Variants in IGSF9B observed in about 807,000 individuals in gnomAD.
IGSF9B encodes the protein immunoglobulin superfamily member 9B, also known as protein turtle homolog B.
A neutral mutation model predicts 143.7 loss-of-function variants in IGSF9B; 48 were observed. That is an observed-to-expected ratio of 0.33 (90% confidence interval 0.26 to 0.42). IGSF9B has a LOEUF of 0.42. Among genes scored for constraint, IGSF9B ranks in the 20% least tolerant of loss-of-function variants. IGSF9B has a pLI of 1.00. For synonymous variants in IGSF9B, 903 were observed against 833.1 expected (o/e 1.08, Z -1.44); for missense variants, 1,706 against 1,980.0 (o/e 0.86, Z 2.63).
rs1940208556 is a variant in IGSF9B, at chr11:133,953,983, T to C, written c.64+2708A>G. ...CCTCTGTCCCGCACCCGAGGGCTGATGGAGTCGGGTCCCAACACAACATCA... is the reference window on the plus strand; with the variant it reads ...CCTCTGTCCCGCACCCGAGGGCTGACGGAGTCGGGTCCCAACACAACATCA... On this transcript the variant is annotated intron_variant, in intron 1 of 19. Transcript: ENST00000533871. This position sits in a 1 kb window ranked among gnomAD's most constrained non-coding sequence, Gnocchi z 4.2. Among the ~76,000 whole-genome samples, 2 of 152,162 alleles carry C rather than the reference T, an allele frequency of 1.3e-5. 1 individual carries two copies. The highest frequency in any genetic ancestry group is 4.1e-4 in the South Asian group (2 of 4,830).
rs1940033025 is a variant in IGSF9B, at chr11:133,945,635, A to G, written c.262+426T>C. On this transcript the variant is annotated intron_variant, in intron 2 of 19. Transcript: ENST00000533871. The surrounding 1 kb of genome is among the most constrained non-coding windows in gnomAD (Gnocchi z 4.6). Reference sequence around the variant, plus strand: ...GGAGGCAGACACCAGGCACCTGCAAACGGTGGGAGGCCAAAGATTCATCCA... The same window carrying G: ...GGAGGCAGACACCAGGCACCTGCAAGCGGTGGGAGGCCAAAGATTCATCCA... 6.6e-6 allele frequency among the ~76,000 whole-genome samples: 1 copy of G among 152,170 alleles called. No individual in the cohort carries two copies.
At chr11:133,917,469 G>C (rs1004730105) in intron 18 of IGSF9B, among the ~76,000 whole-genome samples, 1 of 151,786 alleles carries the variant, frequency 6.6e-6, no homozygotes, top group Admixed American at 6.6e-5. Context: ...CCCTCCCCTC[G>C]GGGAGGTCCT....
intron 3 of IGSF9B, among the ~76,000 whole-genome samples, chr11:133,940,256 C>T (rs1283533774): frequency 8.8e-5 from 12 of 135,824 alleles, no homozygotes; most frequent in African/African-American, 3.2e-4. Context: ...CTCGCACGTC[C>T]TCGCACGCGT....
chr11:133,921,681 G>A (rs1015659746), intron 17 of IGSF9B, among the ~76,000 whole-genome samples: 2 of 151,964 alleles, frequency 1.3e-5, no homozygotes, highest in Non-Finnish European at 2.9e-5. Flanking sequence ...AGGATTACAG[G>A]TGTGAGCCGC....
At chr11:133,942,523 T>C (rs1939970594) in intron 3 of IGSF9B, among the ~76,000 whole-genome samples, 1 of 152,190 alleles carries the variant, frequency 6.6e-6, no homozygotes, top group African/African-American at 2.4e-5. Context: ...CATACGCACG[T>C]CCACTGAATG....
Position 133,921,410 on chromosome 11 carries a change from G to T in IGSF9B, c.2328-13C>A. 2 of 1,481,970 alleles carry T rather than the reference G, an allele frequency of 1.3e-6. No individual in the cohort carries two copies. Among genetic ancestry groups the T allele is most frequent in the Non-Finnish European group, 1.8e-6 (2 of 1,118,792 alleles). 91.8% of individuals were successfully genotyped at this position (1,481,970 alleles called of 1,614,324 possible). ...GCCAGAGGACAAGCTGCAAGGAGGA[G>T]CAAGAGCCGGGAGGGGATGAGGTGG... On this transcript the variant is annotated splice_polypyrimidine_tract_variant and intron_variant, in intron 17 of 19. Coordinates refer to ENST00000533871, the MANE Select transcript of IGSF9B (RefSeq NM_001277285.4).
intron 1 of IGSF9B, 76 bp downstream of exon 1, chr11:133,956,615 G>C: frequency 9.8e-7 from 1 of 1,023,852 alleles, no homozygotes; most frequent in Non-Finnish European, 1.4e-6. Flanking sequence ...CCAAGGAGCC[G>C]GGAAACCGAG....
chr11:133,913,490 C>G lies in IGSF9B; in HGVS notation c.3984-1483G>C, dbSNP rs1194780785. ...CTGGCAATGCAGTGACCTCCATCTT[C>G]CTGGGGGATGTCATCATTCTCTAGT... On this transcript the variant is annotated intron_variant, in intron 18 of 19. Transcript: ENST00000533871. This position sits in a 1 kb window ranked among gnomAD's most constrained non-coding sequence, Gnocchi z 4.6. Among the ~76,000 whole-genome samples the G allele has an allele frequency of 6.6e-6, 1 of 152,196 alleles. No individual in the cohort carries two copies. The highest frequency in any genetic ancestry group is 1.5e-5 in the Non-Finnish European group (1 of 68,036).
At chr11:133,925,634 TG>T in intron 14 of IGSF9B, 104 bp downstream of exon 14, 1 of 812,664 alleles carries the variant, frequency 1.2e-6, no homozygotes, top group Non-Finnish European at 2.0e-6. Context: ...AGGATGTGGC[TG>T]GCCTCACACA....
At chr11:133,946,733 A>C (rs973379037) in intron 1 of IGSF9B, among the ~76,000 whole-genome samples, 1 of 152,190 alleles carries the variant, frequency 6.6e-6, no homozygotes, top group Admixed American at 6.5e-5. Flanking sequence ...CTGCCACTAC[A>C]GCCTGGTGGG....
chr11:133,951,917 G>A (rs1940165669), intron 1 of IGSF9B: 1 of 305,656 alleles, frequency 3.3e-6, no homozygotes, highest in Non-Finnish European at 6.9e-6. Flanking sequence ...GCCAGAAAAT[G>A]AAGACAGTGA....
chr11:133,912,271 C>G lies in IGSF9B; in HGVS notation c.3984-264G>C, dbSNP rs749419730. On this transcript the variant is annotated intron_variant, in intron 18 of 19. Transcript: ENST00000533871. ...ATCAGAAGACCCTAGCAAAGGCAGA[C>G]AGAGAGATTTTAATAGTAAGCACCT... 85 of 626,374 alleles carry G rather than the reference C, an allele frequency of 1.4e-4. 2 individuals are homozygous for G. The highest frequency in any genetic ancestry group is 2.0e-4 in the Non-Finnish European group (69 of 338,142). The allele number at this position is 626,374 out of a possible 1,614,324, so 38.8% of individuals were successfully genotyped here. A position where few individuals can be genotyped will look rare whatever the true frequency, so the allele number is the denominator to read the frequency against.
rs1196857617 is a variant in IGSF9B at position 133,922,590 on chromosome 11, G to A, written c.2260C>T (p.Arg754Cys). Residue 754 changes from arginine to cysteine, a missense_variant, in exon 16 of 20, where the codon CGT (arginine) becomes TGT (cysteine). Physicochemically the swap from Arg to Cys is radical, Grantham distance 180 (BLOSUM62 -3). This residue lies in a region of IGSF9B where 135 missense variants were observed against 181.3 expected (regional missense o/e 0.74). Transcript: ENST00000533871. ...CCACCTTTTTTGCGCTTGAGCTTAC[G>A]CTTGCGCTGCTTGTTGACAAAGCAG... ...AACFVNKQRKRKLKRKKDPPL... is the reference protein window; with the variant it reads ...AACFVNKQRKCKLKRKKDPPL... The A allele has an allele frequency of 6.8e-6, 11 of 1,611,520 alleles. No individual in the cohort carries two copies. Among genetic ancestry groups the A allele is most frequent in the East Asian group, 2.2e-5 (1 of 44,834 alleles).
chr11:133,910,049 G>A (rs977275912), intron 19 of IGSF9B, among the ~76,000 whole-genome samples: 1 of 152,206 alleles, frequency 6.6e-6, no homozygotes, highest in Non-Finnish European at 1.5e-5. Context: ...TAAATGTGGT[G>A]TGTCCCCGAT....
chr11:133,902,285 ACACAT>A lies in IGSF9B; in HGVS notation c.*6779_*6783del, dbSNP rs1329735066. ...ACTGCATCACACACACACACACCAG[ACACAT>A]CACACATACACGCACACCACAGATA... On this transcript the variant is annotated 3_prime_UTR_variant, in exon 20 of 20. Transcript: ENST00000533871. Among the ~76,000 whole-genome samples the A allele has an allele frequency of 6.8e-6, 1 of 146,882 alleles. No individual in the cohort carries two copies. Among genetic ancestry groups the A allele is most frequent in the Admixed American group, 6.8e-5 (1 of 14,750 alleles).
intron 13 of IGSF9B, 53 bp from the exon 14 acceptor site, chr11:133,926,018 C>A (rs1299308341): frequency 7.8e-6 from 10 of 1,274,000 alleles, no homozygotes; most frequent in African/African-American, 1.5e-5. Flanking sequence ...CCCAGGGCAG[C>A]CACCGCACCC....
chr11:133,931,824 A>T lies in IGSF9B; in HGVS notation c.1111-29T>A. ...CCAGACACAGACGATAGGGCAGGGA[A>T]CGCTGGTCAGAGACTCCGCGCTCCA... On this transcript the variant is annotated intron_variant, in intron 8 of 19. Transcript: ENST00000533871. The surrounding 1 kb of genome is among the most constrained non-coding windows in gnomAD (Gnocchi z 7.7). 1.2e-6 allele frequency: 2 copies of T among 1,608,676 alleles called. No homozygotes were observed. Among genetic ancestry groups the T allele is most frequent in the Non-Finnish European group, 1.7e-6 (2 of 1,178,394 alleles).
At chr11:133,927,735 C>G (rs193065654) in intron 12 of IGSF9B, among the ~76,000 whole-genome samples, 1 of 152,184 alleles carries the variant, frequency 6.6e-6, no homozygotes, top group Non-Finnish European at 1.5e-5. Context: ...AGGCTCCCAA[C>G]TCCCAGCAAA....
chr11:133,910,252 C>G (rs1281672380), intron 19 of IGSF9B, among the ~76,000 whole-genome samples: 1 of 152,166 alleles, frequency 6.6e-6, no homozygotes, highest in Non-Finnish European at 1.5e-5. Flanking sequence ...AGAGAGGATG[C>G]CGCTACGTGT....
Sources: allele counts gnomAD v4.1 joint callset (sites outside exome capture counted in the v4.1 genomes callset), GRCh38; gene constraint gnomAD v4.1.1; regional missense constraint gnomAD v4.1.1; non-coding constraint Gnocchi (gnomAD v3.1); transcripts MANE v1.5; gene names NCBI Gene and HGNC (gene_info 2026-07-23, HGNC 2026-07-21).